TRIOBP: variants seen among roughly 807,000 people sequenced by gnomAD.
The protein encoded by TRIOBP is TRIO and F-actin-binding protein.
In TRIOBP, 169 loss-of-function variants were observed where a neutral mutation model predicts 238.8. That is an observed-to-expected ratio of 0.71 (90% CI 0.62 to 0.80). The LOEUF (loss-of-function observed/expected upper bound fraction) is 0.80, where lower values mean the gene tolerates loss of function less well. Among genes scored for constraint, TRIOBP ranks in the 30% least tolerant of loss-of-function variants. TRIOBP has a pLI of 0.00. For missense variants in TRIOBP, 2,838 were observed against 3,122.6 expected, an observed-to-expected ratio of 0.91 and a Z score of 2.17; for synonymous variants, 1,150 against 1,274.4, an observed-to-expected ratio of 0.90 and a Z score of 2.08.
intron 17 of TRIOBP, among the ~76,000 whole-genome samples, chr22:37,761,436 G>A (rs573591750): frequency 9.9e-5 from 15 of 152,256 alleles, no homozygotes; most frequent in Non-Finnish European, 1.6e-4. Flanking sequence ...GTGACAGTGA[G>A]ACTCTATCTA....
At position 37,724,518 on chromosome 22, in the gene TRIOBP, A is replaced by T; in HGVS notation, c.1962A>T (p.Arg654=). ...ACAGCCCCAGAACATCCTGTGCCCG[A>T]CGGGACGATCCCAGAGCCTCCTCTC... ...QQDSPRTSCA[R]RDDPRASSPN... Residue 654 remains arginine (R), a synonymous_variant, in exon 7 of 24, where the codon CGA becomes CGT. Coordinates refer to ENST00000644935, the MANE Select transcript of TRIOBP (RefSeq NM_001039141.3). 1 of 1,585,796 alleles carries T rather than the reference A, an allele frequency of 6.3e-7. No homozygotes were observed. The highest frequency in any genetic ancestry group is 8.6e-7 in the Non-Finnish European group (1 of 1,167,352).
At chr22:37,736,262 C>T (rs1241400214) in intron 9 of TRIOBP, among the ~76,000 whole-genome samples, 2 of 152,150 alleles carry the variant, frequency 1.3e-5, no homozygotes, top group South Asian at 2.1e-4. Context: ...ATTGGGAGGA[C>T]GGCATGTGGT....
At chr22:37,773,476 T>C (rs142651342) in intron 23 of TRIOBP, among the ~76,000 whole-genome samples, 9 of 152,238 alleles carry the variant, frequency 5.9e-5, no homozygotes, top group African/African-American at 1.9e-4. Flanking sequence ...TGCCTCAGCC[T>C]CCCAAAATTC....
chr22:37,726,502 A>G lies in TRIOBP; in HGVS notation c.3946A>G (p.Arg1316Gly), dbSNP rs943594008. The G allele has an allele frequency of 2.7e-6, 4 of 1,501,758 alleles. No individual in the cohort carries two copies. The highest frequency in any genetic ancestry group is 3.5e-6 in the Non-Finnish European group (4 of 1,130,960). The allele number at this position is 1,501,758 out of a possible 1,614,324, so 93.0% of individuals were successfully genotyped here. Reference sequence around the variant, plus strand: ...GGAGCGCCTCTTCGGGCAAGAGCGCAGGTGAGCCCGGGGGTGGGGTCAGCC... The same window carrying G: ...GGAGCGCCTCTTCGGGCAAGAGCGCGGGTGAGCCCGGGGGTGGGGTCAGCC... ...EVERLFGQER[R>G]KSEAAGAFQA... Residue 1316 changes from arginine (R) to glycine (G), a missense_variant and splice_region_variant, in exon 7 of 24, where the codon AGG (arginine) becomes GGG (glycine). This residue lies in a region of TRIOBP where 2,096 missense variants were observed against 2,137.4 expected (regional missense o/e 0.98). Transcript: ENST00000644935.
intron 11 of TRIOBP, among the ~76,000 whole-genome samples, chr22:37,746,994 C>G (rs1003280237): frequency 1.3e-5 from 2 of 152,238 alleles, no homozygotes; most frequent in East Asian, 3.8e-4. Flanking sequence ...GATACCACGT[C>G]TTCCTGGGCT....
At chr22:37,732,136 C>T (rs1448586681) in intron 7 of TRIOBP, among the ~76,000 whole-genome samples, 1 of 152,134 alleles carries the variant, frequency 6.6e-6, no homozygotes, top group Non-Finnish European at 1.5e-5. Context: ...GTGGTTGGGC[C>T]TTTTGTTGTG....
intron 15 of TRIOBP, 72 bp downstream of exon 15, chr22:37,755,731 C>T: frequency 7.5e-7 from 1 of 1,331,344 alleles, no homozygotes. Flanking sequence ...TTTCTAGGTA[C>T]TCACCTGAGG....
intron 3 of TRIOBP, among the ~76,000 whole-genome samples, chr22:37,707,624 GA>G (rs1389316452): frequency 6.6e-6 from 1 of 151,770 alleles, no homozygotes; most frequent in East Asian, 1.9e-4. Flanking sequence ...TTCTAACATG[GA>G]GTCAAAAAAT....
In TRIOBP at chr22:37,713,302, A is replaced by G. The variant is rs772663057; in HGVS notation, c.347A>G (p.Glu116Gly). The stretch of plus-strand genomic sequence containing the variant: ...GAGCTTGAGGCAGTACCCTATCTGG[A>G]GGGCCTGACCACTTCCTTGTGTGGC... ...SRELEAVPYL[E>G]GLTTSLCGSC... The change falls in exon 5 of 24, where the codon GAG becomes GGG. Residue 116 changes from glutamate (E) to glycine (G), a missense_variant. This residue lies in a region of TRIOBP where 535 missense variants were observed against 537.3 expected (regional missense o/e 1.00). Transcript: ENST00000644935. 12 of 1,613,982 alleles carry G rather than the reference A, an allele frequency of 7.4e-6. No homozygotes were observed. The South Asian group carries it at 1.3e-4, about 18-fold the overall frequency.
At chr22:37,773,299 G>T (rs1286025886) in intron 23 of TRIOBP, among the ~76,000 whole-genome samples, 1 of 152,086 alleles carries the variant, frequency 6.6e-6, no homozygotes, top group Non-Finnish European at 1.5e-5. Flanking sequence ...GCTCACTGCA[G>T]CCTCAACCTC....
chr22:37,751,057 T>C (rs1369725944), intron 11 of TRIOBP: 3 of 407,778 alleles, frequency 7.4e-6, no homozygotes, highest in Admixed American at 3.1e-5. Context: ...ACCCACTAGA[T>C]GAGCATGGTC....
chr22:37,727,252 GTT>G (rs544456439), intron 7 of TRIOBP, among the ~76,000 whole-genome samples: 29 of 144,650 alleles, frequency 2.0e-4, no homozygotes, highest in Admixed American at 3.4e-4. Flanking sequence ...AGACTCATGG[GTT>G]TTTTTTTTTT....
intron 6 of TRIOBP, among the ~76,000 whole-genome samples, chr22:37,718,313 T>C (rs1923642931): frequency 6.6e-6 from 1 of 152,184 alleles, no homozygotes; most frequent in African/African-American, 2.4e-5. Flanking sequence ...CCTGAAGGGC[T>C]CCTCAAGTGC....
chr22:37,750,539 G>T, intron 11 of TRIOBP: 1 of 431,404 alleles, frequency 2.3e-6, no homozygotes, highest in Non-Finnish European at 5.0e-6. Flanking sequence ...GGCAGCCTCC[G>T]TCTCAGGTGG....
intron 11 of TRIOBP, among the ~76,000 whole-genome samples, chr22:37,743,834 T>G (rs1601646040): frequency 7.9e-6 from 1 of 125,996 alleles, no homozygotes; most frequent in East Asian, 2.3e-4. Flanking sequence ...TGTGTGTGTG[T>G]GTGTGTGTGT....
chr22:37,772,957 C>T (rs1478382069), intron 23 of TRIOBP, among the ~76,000 whole-genome samples, 193 bp downstream of exon 23: 3 of 152,224 alleles, frequency 2.0e-5, no homozygotes, highest in African/African-American at 7.2e-5. Flanking sequence ...CAGGCTGCTT[C>T]ATCAGCTTAA....
chr22:37,752,655 C>T (rs1925682459), intron 12 of TRIOBP, among the ~76,000 whole-genome samples: 1 of 152,238 alleles, frequency 6.6e-6, no homozygotes, highest in African/African-American at 2.4e-5. Flanking sequence ...GCCTTCCCTA[C>T]CCGCTGCCTG....
rs780379130 is a variant in TRIOBP, at chr22:37,755,188, C to T, written c.5575C>T (p.His1859Tyr). 5 of 1,611,352 alleles carry T rather than the reference C, an allele frequency of 3.1e-6. No homozygotes were observed. In the East Asian group the frequency reaches 1.1e-4, roughly 36 times the overall value. The stretch of plus-strand genomic sequence containing the variant: ...GCAGCGCAACTATGGCTTCCAGATC[C>T]ACGTGAGGCTGTGTGCAGCTTGGGG... ...AVQRNYGFQIHTKDAVYTLSA... is the reference protein window; with the variant it reads ...AVQRNYGFQIYTKDAVYTLSA... Residue 1859 changes from histidine (H) to tyrosine (Y), a missense_variant and splice_region_variant, in exon 14 of 24, where the codon CAC (histidine) becomes TAC (tyrosine). Around this residue, in one of 5 missense-constraint regions of TRIOBP, gnomAD observed 2,096 missense variants for 2,137.4 expected, o/e 0.98. Coordinates refer to ENST00000644935, the MANE Select transcript of TRIOBP (RefSeq NM_001039141.3).
intron 3 of TRIOBP, among the ~76,000 whole-genome samples, chr22:37,709,300 C>G (rs531315940): frequency 6.6e-6 from 1 of 152,238 alleles, no homozygotes; most frequent in East Asian, 1.9e-4. Context: ...ATCCCAGGCC[C>G]AGGCTCTTGC....
Sources: gnomAD v4.1 joint callset for allele counts (sites outside exome capture counted in the v4.1 genomes callset) on GRCh38, gnomAD v4.1.1 for gene constraint, gnomAD v4.1.1 regional missense constraint, MANE v1.5 for transcripts, NCBI Gene and HGNC (gene_info 2026-07-23, HGNC 2026-07-21) for gene names.